The following NFIC variants were observed in gnomAD, a reference collection of about 807,000 sequenced individuals.
NFIC encodes nuclear factor I C.
A neutral mutation model predicts 54.4 loss-of-function variants in NFIC; 12 were observed. The observed-to-expected ratio is 0.22, with a 90% CI of 0.14 to 0.36. The LOEUF is 0.36. NFIC is among the 10% of genes least tolerant of loss of function. The pLI is 1.00. For synonymous variants in NFIC, 322 were observed against 319.2 expected, an observed-to-expected ratio of 1.01 and a Z score of -0.09; for missense variants, 575 against 718.2, an observed-to-expected ratio of 0.80 and a Z score of 2.28.
At chr19:3,388,594 A>G (rs976620333) in intron 2 of NFIC, among the ~76,000 whole-genome samples, 2 of 152,120 alleles carry the variant, frequency 1.3e-5, no homozygotes, top group Non-Finnish European at 2.9e-5. Context: ...AGGCTGAGGC[A>G]GGAGGATCAC....
chr19:3,458,788 G>C lies in NFIC; in HGVS notation c.1509+2153G>C, dbSNP rs2082597528. 6.6e-6 allele frequency among the ~76,000 whole-genome samples: 1 copy of C among 152,092 alleles called. No homozygotes were observed. Among genetic ancestry groups the C allele is most frequent in the African/African-American group, 2.4e-5 (1 of 41,400 alleles). ...GGAGCCATAGAAGGGTTTAGAGGGA[G>C]GGAGTGGACACCCACCAGGCCTGGG... On this transcript the variant is annotated intron_variant, in intron 10 of 10. Transcript: ENST00000443272. The surrounding 1 kb of genome is among the most constrained non-coding windows in gnomAD (Gnocchi z 4.1).
At position 3,381,953 on chromosome 19, in the gene NFIC, A is replaced by T; in HGVS notation, c.272A>T (p.Asp91Val). The change falls in exon 2 of 11, where the codon GAC (aspartate) becomes GTC (valine). Residue 91 changes from aspartate to valine, a missense_variant. Coordinates refer to ENST00000443272, the MANE Select transcript of NFIC (RefSeq NM_001245002.2). The stretch of plus-strand genomic sequence containing the variant: ...GACATCCGGCCCGAGTGCCGCGAGG[A>T]CTTCGTGCTGAGCATCACCGGCAAG... ...RKDIRPECRE[D>V]FVLSITGKKA... 1 of 1,613,466 alleles carries T rather than the reference A, an allele frequency of 6.2e-7. No homozygotes were observed. Among genetic ancestry groups the T allele is most frequent in the Non-Finnish European group, 8.5e-7 (1 of 1,179,906 alleles).
intron 6 of NFIC, among the ~76,000 whole-genome samples, chr19:3,443,203 G>C (rs182960359): frequency 6.6e-6 from 1 of 152,316 alleles, no homozygotes; most frequent in Non-Finnish European, 1.5e-5. Context: ...GGAGGCCAAG[G>C]CTGGAGGATC....
chr19:3,412,808 T>A (rs2081785813), intron 2 of NFIC, among the ~76,000 whole-genome samples: 1 of 152,136 alleles, frequency 6.6e-6, no homozygotes, highest in Non-Finnish European at 1.5e-5. Flanking sequence ...ACACCCTGAC[T>A]CCCACCTCAG....
chr19:3,456,645 G>T lies in NFIC; in HGVS notation c.1509+10G>T, dbSNP rs372257863. 1 of 1,521,380 alleles carries T rather than the reference G, an allele frequency of 6.6e-7. No individual in the cohort carries two copies. The highest frequency in any genetic ancestry group is 8.9e-7 in the Non-Finnish European group (1 of 1,122,300). 94.2% of individuals were successfully genotyped at this position (1,521,380 alleles called of 1,614,324 possible). On this transcript the variant is annotated intron_variant, in intron 10 of 10. Transcript: ENST00000443272. Reference sequence around the variant, plus strand: ...CATTTATCAGGCACAGGTAGGGGCCGAGAGGCCGGCTGGTGGGGTGGGAGG... The same window carrying T: ...CATTTATCAGGCACAGGTAGGGGCCTAGAGGCCGGCTGGTGGGGTGGGAGG...
chr19:3,460,167 C>A (rs866350609), intron 10 of NFIC, among the ~76,000 whole-genome samples: 10 of 152,366 alleles, frequency 6.6e-5, no homozygotes, highest in Middle Eastern at 3.4e-3. Context: ...CCTCAGCCCC[C>A]CTGTGCTTAG....
At chr19:3,417,917 C>T (rs1194706788) in intron 2 of NFIC, among the ~76,000 whole-genome samples, 1 of 19,498 alleles carries the variant, frequency 5.1e-5, no homozygotes. Context: ...GGATTACAGG[C>T]GTGATCCACC....
Position 3,464,573 on chromosome 19 carries a change from CCCCCCACCACTG to C in NFIC, c.*1810_*1821del. 1.1e-6 allele frequency: 1 copy of C among 888,886 alleles called. No individual in the cohort carries two copies. Among genetic ancestry groups the C allele is most frequent in the Non-Finnish European group, 1.3e-6 (1 of 751,044 alleles). The allele number at this position is 888,886 out of a possible 1,614,324, so 55.1% of individuals were successfully genotyped here. On this transcript the variant is annotated 3_prime_UTR_variant, in exon 11 of 11. Transcript: ENST00000443272. ...TGACCTCCATGCCTAGGGAAAAACT[CCCCCCACCACTG>C]CCCCCTCCCCCGACCCAGGCCAAAG...
rs955051401 is a variant in NFIC at position 3,370,964 on chromosome 19, G to A, written c.30+4298G>A. 2.0e-5 allele frequency among the ~76,000 whole-genome samples: 3 copies of A among 152,340 alleles called. No individual in the cohort carries two copies. The highest frequency in any genetic ancestry group is 3.4e-3 in the Middle Eastern group (1 of 294). On this transcript the variant is annotated intron_variant, in intron 1 of 10. Coordinates refer to ENST00000443272, the MANE Select transcript of NFIC (RefSeq NM_001245002.2). The surrounding 1 kb of genome is among the most constrained non-coding windows in gnomAD (Gnocchi z 5.2). Reference sequence around the variant, plus strand: ...CCATGAGCACACGCTGGGCGCACACGCGTGCACACTCCCTGACACCCATAC... The same window carrying A: ...CCATGAGCACACGCTGGGCGCACACACGTGCACACTCCCTGACACCCATAC...
intron 2 of NFIC, among the ~76,000 whole-genome samples, chr19:3,401,171 G>T (rs1197212943): frequency 6.6e-6 from 1 of 152,186 alleles, no homozygotes; most frequent in African/African-American, 2.4e-5. Context: ...AGGAGGGGAG[G>T]GCAGTTTGTG....
intron 3 of NFIC, among the ~76,000 whole-genome samples, chr19:3,430,788 C>A (rs544142084): frequency 6.7e-6 from 1 of 150,348 alleles, no homozygotes; most frequent in African/African-American, 2.5e-5. Flanking sequence ...AAAATTTAGA[C>A]AGGCACTGTG....
intron 2 of NFIC, among the ~76,000 whole-genome samples, chr19:3,395,313 C>T (rs2081444479): frequency 1.3e-5 from 2 of 151,854 alleles, no homozygotes; most frequent in South Asian, 2.1e-4. Flanking sequence ...CAGCAGAGAT[C>T]GCACCACTGT....
intron 5 of NFIC, 167 bp from the exon 6 acceptor site, chr19:3,434,916 A>T: frequency 1.1e-6 from 1 of 879,202 alleles, no homozygotes; most frequent in Non-Finnish European, 1.7e-6. Context: ...AGGTTGGAAC[A>T]GGCGTTCGTA....
chr19:3,434,313 T>C lies in NFIC; in HGVS notation c.746T>C (p.Leu249Pro). The change falls in exon 5 of 11, where the codon CTG becomes CCG. Residue 249 changes from leucine to proline, a missense_variant. Transcript: ENST00000443272. Reference sequence around the variant, plus strand: ...ACTGGAACAGGACCCAACTTCTCCCTGGGGGAGCTGCAGGGGCACCTGGCA... The same window carrying C: ...ACTGGAACAGGACCCAACTTCTCCCCGGGGGAGCTGCAGGGGCACCTGGCA... ...VVTGTGPNFSLGELQGHLAYD... is the reference protein window; with the variant it reads ...VVTGTGPNFSPGELQGHLAYD... 6.2e-7 allele frequency: 1 copy of C among 1,613,096 alleles called. No homozygotes were observed. Among genetic ancestry groups the C allele is most frequent in the Non-Finnish European group, 8.5e-7 (1 of 1,179,850 alleles).
At chr19:3,461,291 A>AAC (rs1568204061) in intron 10 of NFIC, among the ~76,000 whole-genome samples, 2 of 149,288 alleles carry the variant, frequency 1.3e-5, no homozygotes, top group African/African-American at 4.9e-5. Context: ...GATGTGGTGG[A>AAC]ACATACCTGT....
intron 2 of NFIC, among the ~76,000 whole-genome samples, chr19:3,397,555 G>C (rs1241766178): frequency 6.6e-6 from 1 of 152,162 alleles, no homozygotes; most frequent in Non-Finnish European, 1.5e-5. Context: ...CTCTACCTCT[G>C]ATTCTCCCCA....
chr19:3,448,988 A>G (rs1568192956), intron 6 of NFIC, 26 bp from the exon 7 acceptor site: 1 of 1,600,378 alleles, frequency 6.2e-7, no homozygotes. Context: ...CCAGCCTGTG[A>G]CTCTCTCGTC....
intron 2 of NFIC, among the ~76,000 whole-genome samples, chr19:3,386,575 G>A (rs12978875): frequency 0.29 from 44,182 of 151,638 alleles, 6,663 homozygotes; most frequent in East Asian, 0.42. Flanking sequence ...CGCCCTCCTC[G>A]GCCTCCCAAA....
intron 3 of NFIC, 105 bp from the exon 4 acceptor site, chr19:3,433,413 A>T (rs2145628136): frequency 8.7e-7 from 1 of 1,143,362 alleles, no homozygotes; most frequent in African/African-American, 1.5e-5. Flanking sequence ...GACAGGGGGA[A>T]CGTCCAGGCT....
Sources: gnomAD v4.1 joint callset for allele counts (sites outside exome capture counted in the v4.1 genomes callset) on GRCh38, gnomAD v4.1.1 for gene constraint, Gnocchi (gnomAD v3.1) non-coding constraint, MANE v1.5 for transcripts, NCBI Gene and HGNC (gene_info 2026-07-23, HGNC 2026-07-21) for gene names.